Variants in FREM1 observed in about 807,000 individuals in gnomAD.
The protein encoded by FREM1 is FRAS1-related extracellular matrix protein 1.
In FREM1, 220 loss-of-function variants were observed where a neutral mutation model predicts 210.1. The ratio of observed to expected loss-of-function variants is 1.05; its 90% CI spans 0.94 to 1.17. FREM1 has a LOEUF of 1.17. FREM1 is among the 50% of genes most tolerant of loss of function. The pLI is 0.00. For synonymous variants in FREM1, 1,189 were observed against 980.2 expected, an observed-to-expected ratio of 1.21 and a Z score of -3.98; for missense variants, 3,454 against 2,675.5, an observed-to-expected ratio of 1.29 and a Z score of -6.42.
At chr9:14,761,962 T>C (rs978967685) in intron 27 of FREM1, among the ~76,000 whole-genome samples, 1 of 152,232 alleles carries the variant, frequency 6.6e-6, no homozygotes, top group Non-Finnish European at 1.5e-5. Flanking sequence ...GCTTGTACAT[T>C]AAACTTTATC....
intron 5 of FREM1, among the ~76,000 whole-genome samples, chr9:14,854,378 T>A (rs1420880843): frequency 3.3e-5 from 5 of 152,088 alleles, no homozygotes; most frequent in African/African-American, 1.2e-4. Context: ...TCCAATTATA[T>A]GTACCTTACA....
rs1190590822 is a variant in FREM1, at chr9:14,737,468, T to C, written c.6468A>G (p.Arg2156=). The change falls in exon 37 of 37, where the codon AGA becomes AGG. Residue 2156 remains arginine (R), a synonymous_variant. Transcript: ENST00000380880. ...AGTCTTTTGTTTGCCATTTCCCTTGTCTTTGAACCAAAACACAGCTCTTTC... is the reference window on the plus strand; with the variant it reads ...AGTCTTTTGTTTGCCATTTCCCTTGCCTTTGAACCAAAACACAGCTCTTTC... The part of the protein sequence containing the change: ...KLGKSCVLVQ[R]QGKWQTKDCR... 3 of 1,613,898 alleles carry C rather than the reference T, an allele frequency of 1.9e-6. No individual in the cohort carries two copies. The highest frequency in any genetic ancestry group is 4.5e-5 in the East Asian group (2 of 44,866).
chr9:14,805,378 A>T (rs1051526157), intron 18 of FREM1, among the ~76,000 whole-genome samples: 4 of 152,254 alleles, frequency 2.6e-5, no homozygotes, highest in African/African-American at 9.6e-5. Flanking sequence ...TGGAGAACCG[A>T]AGAGTAATAC....
chr9:14,828,647 G>T (rs1036376239), intron 10 of FREM1, among the ~76,000 whole-genome samples: 7 of 143,740 alleles, frequency 4.9e-5, no homozygotes, highest in South Asian at 2.3e-4. Context: ...GCGGGGCGGG[G>T]GAGGTGCCGG....
chr9:14,772,870 ATTTTGG>A (rs1439825275), intron 25 of FREM1, among the ~76,000 whole-genome samples: 1 of 152,198 alleles, frequency 6.6e-6, no homozygotes, highest in Non-Finnish European at 1.5e-5. Context: ...TGGTTGTTTT[ATTTTGG>A]TTTTGGATGT....
intron 1 of FREM1, among the ~76,000 whole-genome samples, chr9:14,892,713 T>C (rs917697979): frequency 3.3e-5 from 5 of 152,146 alleles, no homozygotes; most frequent in Non-Finnish European, 7.3e-5. Flanking sequence ...GGAACTGCCA[T>C]GAAAGATCCC....
intron 1 of FREM1, among the ~76,000 whole-genome samples, chr9:14,901,706 C>T (rs1838815548): frequency 6.6e-6 from 1 of 152,144 alleles, no homozygotes; most frequent in South Asian, 2.1e-4. Flanking sequence ...AACACTTTAA[C>T]GACTCACTTT....
intron 5 of FREM1, among the ~76,000 whole-genome samples, chr9:14,853,948 G>C (rs1475232845): frequency 6.6e-6 from 1 of 152,114 alleles, no homozygotes; most frequent in Non-Finnish European, 1.5e-5. Context: ...TTAATAAAGT[G>C]GATACAAATG....
At chr9:14,746,512 A>G (rs535600104) in intron 34 of FREM1, 44 bp from the exon 35 acceptor site, 18 of 1,493,008 alleles carry the variant, frequency 1.2e-5, no homozygotes, top group Admixed American at 3.3e-5. Flanking sequence ...GGTCTTTACA[A>G]TCTGGAGTTG....
rs762733993 is a variant in FREM1 at position 14,857,616 on chromosome 9, G to A, written c.765C>T (p.Pro255=). Residue 255 remains proline (P), a synonymous_variant, in exon 5 of 37, where the codon CCC becomes CCT. Transcript: ENST00000380880. ...GTTGGATGGAGATATAATCAATGTT[G>A]GGTGAAGGGGGATCCAGATGCTGAT... ...LRYQHLDPPS[P]NIDYISIQLD... 1.9e-5 allele frequency: 31 copies of A among 1,613,752 alleles called. No homozygotes were observed. In the Admixed American group the frequency reaches 2.8e-4, roughly 15 times the overall value.
chr9:14,868,212 T>C (rs569845717), intron 2 of FREM1, among the ~76,000 whole-genome samples: 1 of 152,334 alleles, frequency 6.6e-6, no homozygotes, highest in South Asian at 2.1e-4. Context: ...GAAATCTTGA[T>C]CTCTTATCCA....
intron 10 of FREM1, among the ~76,000 whole-genome samples, chr9:14,838,386 C>A (rs1466240621): frequency 6.6e-6 from 1 of 151,906 alleles, no homozygotes; most frequent in Non-Finnish European, 1.5e-5. Context: ...GATACTTGTC[C>A]AAATTGAGAA....
intron 8 of FREM1, among the ~76,000 whole-genome samples, chr9:14,843,304 C>T (rs1826007743): frequency 6.6e-6 from 1 of 152,200 alleles, no homozygotes; most frequent in Non-Finnish European, 1.5e-5. Context: ...CCCCTCTCCA[C>T]TCCCCTTGCC....
chr9:14,842,031 T>C (rs1274432471), intron 9 of FREM1, among the ~76,000 whole-genome samples: 1 of 152,202 alleles, frequency 6.6e-6, no homozygotes, highest in Non-Finnish European at 1.5e-5. Context: ...TAATTTGTTC[T>C]ATCACCTTGC....
At chr9:14,762,614 T>C (rs1032142919) in intron 27 of FREM1, among the ~76,000 whole-genome samples, 9 of 152,160 alleles carry the variant, frequency 5.9e-5, no homozygotes, top group African/African-American at 9.7e-5. Flanking sequence ...TTTTATTTTC[T>C]TAAAATTATT....
At chr9:14,897,254 T>C (rs865795591) in intron 1 of FREM1, among the ~76,000 whole-genome samples, 26 of 152,330 alleles carry the variant, frequency 1.7e-4, no homozygotes, top group Admixed American at 2.0e-4. Flanking sequence ...TCTATTATTA[T>C]TCCTATATTA....
At position 14,860,546 on chromosome 9, in the gene FREM1, C is replaced by CTGTGT. The variant is rs1554706980; in HGVS notation, c.330-1063_330-1062insACACA. 3.5e-3 allele frequency among the ~76,000 whole-genome samples: 362 copies of CTGTGT among 104,662 alleles called. 5 individuals carry two copies. The highest frequency in any genetic ancestry group is 0.017 in the African/African-American group (316 of 18,812). The allele number at this position is 104,662 out of a possible 152,430, so 68.7% of individuals were successfully genotyped here. The stretch of plus-strand genomic sequence containing the variant: ...CGTAGTAGGTATGTATATATATACA[C>CTGTGT]ATATATATACACACATATATATACA... On this transcript the variant is annotated intron_variant, in intron 3 of 36. Coordinates refer to ENST00000380880, the MANE Select transcript of FREM1 (RefSeq NM_001379081.2).
intron 1 of FREM1, among the ~76,000 whole-genome samples, chr9:14,887,322 C>T (rs1226401447): frequency 3.3e-5 from 5 of 152,176 alleles, no homozygotes; most frequent in Non-Finnish European, 7.4e-5. Context: ...TGCCTGAGGT[C>T]CCAGCAGGAG....
chr9:14,806,957 A>G (rs1469254636), intron 17 of FREM1, 111 bp from the exon 18 acceptor site: 2 of 566,328 alleles, frequency 3.5e-6, no homozygotes, highest in Non-Finnish European at 6.0e-6. Context: ...TCCCACGTGC[A>G]AAAACATTTC....
Sources: gnomAD v4.1 joint callset for allele counts (sites outside exome capture counted in the v4.1 genomes callset) on GRCh38, gnomAD v4.1.1 for gene constraint, MANE v1.5 for transcripts, NCBI Gene and HGNC (gene_info 2026-07-23, HGNC 2026-07-21) for gene names.